The following AKR1C2 variants were observed in gnomAD, a reference collection of about 807,000 sequenced individuals.
AKR1C2 encodes the protein 3-alpha-HSD3.
AKR1C2 carries 27 observed loss-of-function variants against 39.8 expected under a neutral mutation model. The ratio of observed to expected loss-of-function variants is 0.68; its 90% CI spans 0.50 to 0.93. The LOEUF (loss-of-function observed/expected upper bound fraction) is 0.93, where lower values mean the gene tolerates loss of function less well. Ranked by LOEUF, AKR1C2 falls within the 40% of genes least tolerant of loss-of-function variation. The probability of loss-of-function intolerance (pLI) is 0.00; values close to 1 mark genes in which losing one functional copy is unlikely to be tolerated. For missense variants in AKR1C2, 263 were observed against 365.1 expected (o/e 0.72, Z 2.28); for synonymous variants, 114 against 137.9 (o/e 0.83, Z 1.22).
chr10:5,002,467 C>T (rs191874894), intron 1 of AKR1C2, among the ~76,000 whole-genome samples: 14 of 152,228 alleles, frequency 9.2e-5, no homozygotes, highest in African/African-American at 3.4e-4. Flanking sequence ...GAACCAAATA[C>T]TAGGAGTAAA....
chr10:4,997,924 G>A (rs1412071396), intron 5 of AKR1C2, among the ~76,000 whole-genome samples: 6 of 152,192 alleles, frequency 3.9e-5, no homozygotes, highest in Admixed American at 3.9e-4. Flanking sequence ...GCATAGAATA[G>A]ATGTGTTTAA....
upstream of AKR1C2, chr10:5,006,526 C>CTGGGAGGCAGAGGTTGCAGTGAGT (rs1554774407): frequency 6.6e-6 from 1 of 152,044 alleles, no homozygotes; most frequent in African/African-American, 2.4e-5. Flanking sequence ...TAGCTTGAAC[C>CTGGGAGGCAGAGGTTGCAGTGAGT]TGGGAGGCAG....
intron 7 of AKR1C2, among the ~76,000 whole-genome samples, chr10:4,994,363 A>G (rs2997319): frequency 0.24 from 35,981 of 152,028 alleles, 4,569 homozygotes; most frequent in African/African-American, 0.32. Context: ...CCCTCTAACA[A>G]TCACATGTCC....
At chr10:5,008,507 G>A (rs545741613), upstream of AKR1C2, among the ~76,000 whole-genome samples, 136 of 152,064 alleles carry the variant, frequency 8.9e-4, no homozygotes, top group African/African-American at 3.0e-3. Context: ...AGTGTGGGTC[G>A]TGGAGTCGCT....
At chr10:5,016,951 C>T (rs1837654003) in intron 1 of AKR1C2, among the ~76,000 whole-genome samples, 1 of 152,234 alleles carries the variant, frequency 6.6e-6, no homozygotes, top group Non-Finnish European at 1.5e-5. Context: ...AAAACAATAG[C>T]TCAGGATGTA....
intron 1 of AKR1C2, among the ~76,000 whole-genome samples, chr10:5,003,215 T>C (rs1456176124): frequency 3.3e-5 from 5 of 151,162 alleles, no homozygotes; most frequent in African/African-American, 1.2e-4. Context: ...TTTTTTTTTT[T>C]TTTTCTTAAA....
intron 1 of AKR1C2, chr10:5,014,760 G>C (rs1564338886): frequency 6.6e-6 from 1 of 152,126 alleles, no homozygotes; most frequent in Admixed American, 6.5e-5. Flanking sequence ...TTTCCCTTGG[G>C]GTTGCCAATA....
At chr10:5,006,593 C>T (rs1399192168), upstream of AKR1C2, 5 of 140,358 alleles carry the variant, frequency 3.6e-5, no homozygotes, top group African/African-American at 1.3e-4. Flanking sequence ...TAAACTCCAT[C>T]TGAAAAAAAC....
At chr10:5,009,116 G>A (rs1564335967) in intron 1 of AKR1C2, among the ~76,000 whole-genome samples, 1 of 152,190 alleles carries the variant, frequency 6.6e-6, no homozygotes, top group Admixed American at 6.5e-5. Flanking sequence ...ATGCCATGGA[G>A]AAAATTTTGG....
intron 1 of AKR1C2, among the ~76,000 whole-genome samples, chr10:5,002,023 CAAGGA>C (rs1554773897): frequency 6.6e-6 from 1 of 152,158 alleles, no homozygotes; most frequent in Admixed American, 6.5e-5. Context: ...GAAATTAACA[CAAGGA>C]AATAGCCACA....
Position 4,990,158 on chromosome 10 carries a change from G to A in AKR1C2, c.930-120C>T, listed in dbSNP as rs533063432. The A allele has an allele frequency of 5.8e-5, 56 of 959,622 alleles. No homozygotes were observed. In the African/African-American group the frequency reaches 8.7e-4, roughly 15 times the overall value. The allele number at this position is 959,622 out of a possible 1,614,324, so 59.4% of individuals were successfully genotyped here. On this transcript the variant is annotated intron_variant, in intron 8 of 8. Transcript: ENST00000380753. ...ATGTTAAGAAGTTCATTTTCTGACT[G>A]CTCTAGAATCTGTGTTTCTTTGTTT... is the stretch of plus-strand genomic sequence containing the variant.
rs577197610 is a variant in AKR1C2, at chr10:4,988,135, G to C, written c.*1861C>G. Reference sequence around the variant, plus strand: ...TCACATCTTGAAAAAAGAGTTACACGTGCTATAGAGATTTGAAATATGAAA... The same window carrying C: ...TCACATCTTGAAAAAAGAGTTACACCTGCTATAGAGATTTGAAATATGAAA... On this transcript the variant is annotated 3_prime_UTR_variant, in exon 9 of 9. Coordinates refer to ENST00000380753, the MANE Select transcript of AKR1C2 (RefSeq NM_001393392.1). The C allele has an allele frequency of 6.6e-6, 1 of 151,986 alleles. No homozygotes were observed. Among genetic ancestry groups the C allele is most frequent in the Non-Finnish European group, 1.5e-5 (1 of 67,958 alleles). The allele number at this position is 151,986 out of a possible 1,614,324, so 9.4% of individuals were successfully genotyped here.
At chr10:4,996,746 T>G (rs1837064690) in intron 5 of AKR1C2, among the ~76,000 whole-genome samples, 1 of 151,986 alleles carries the variant, frequency 6.6e-6, no homozygotes, top group Admixed American at 6.6e-5. Context: ...GAAGTTTACC[T>G]TTACTCTCAC....
At chr10:4,994,249 G>A (rs9804392) in intron 7 of AKR1C2, among the ~76,000 whole-genome samples, 23,611 of 127,842 alleles carry the variant, frequency 0.18, 1,998 homozygotes, top group Middle Eastern at 0.34. Context: ...GAATTCTTGA[G>A]AATATATGAA....
intron 8 of AKR1C2, among the ~76,000 whole-genome samples, chr10:4,990,792 T>C (rs1554772101): frequency 6.6e-6 from 1 of 151,972 alleles, no homozygotes; most frequent in African/African-American, 2.4e-5. Flanking sequence ...ATAACACTAG[T>C]GATTGATTTC....
intron 1 of AKR1C2, among the ~76,000 whole-genome samples, chr10:5,010,043 A>C (rs553970391): frequency 0.011 from 1,574 of 143,400 alleles, 32 homozygotes; most frequent in African/African-American, 0.039. Flanking sequence ...GATGCCTGGC[A>C]AGAGCTTGGG....
chr10:4,998,837 T>C (rs1230627768), intron 4 of AKR1C2, 90 bp from the exon 5 acceptor site: 1 of 1,556,598 alleles, frequency 6.4e-7, no homozygotes, highest in Non-Finnish European at 8.7e-7. Context: ...AACAACTGTC[T>C]AGACGTGACA....
chr10:4,994,445 C>G (rs1228969819), intron 7 of AKR1C2, among the ~76,000 whole-genome samples: 1 of 152,088 alleles, frequency 6.6e-6, no homozygotes, highest in Non-Finnish European at 1.5e-5. Flanking sequence ...TTCCCCACCC[C>G]TTGAGTCTGA....
At position 5,001,584 on chromosome 10, in the gene AKR1C2, A is replaced by G; in HGVS notation, c.182T>C (p.Val61Ala). 6 of 1,613,972 alleles carry G rather than the reference A, an allele frequency of 3.7e-6. 1 individual carries two copies. Among genetic ancestry groups the G allele is most frequent in the Non-Finnish European group, 5.1e-6 (6 of 1,179,900 alleles). The part of the protein sequence containing the change: ...SAHVYNNEEQ[V>A]GLAIRSKIAD... ...AATCTTGCTTCGGATGGCCAGTCCA[A>G]CCTGCTCCTCATTATTGTAAACATG... Residue 61 changes from valine (V) to alanine (A), a missense_variant, in exon 2 of 9, where the codon GTT becomes GCT. Physicochemically the swap from Val to Ala is moderately conservative, Grantham distance 64. This residue lies in a region of AKR1C2 where 247 missense variants were observed against 267.9 expected (regional missense o/e 0.92). Coordinates refer to ENST00000380753, the MANE Select transcript of AKR1C2 (RefSeq NM_001393392.1).
Sources: gnomAD v4.1 joint callset for allele counts (sites outside exome capture counted in the v4.1 genomes callset) on GRCh38, gnomAD v4.1.1 for gene constraint, gnomAD v4.1.1 regional missense constraint, MANE v1.5 for transcripts, NCBI Gene and HGNC (gene_info 2026-07-23, HGNC 2026-07-21) for gene names.